Variants in SPIDR observed in about 807,000 individuals in gnomAD.
The protein encoded by SPIDR is scaffold protein involved in DNA repair, also known as DNA repair-scaffolding protein.
Under a neutral mutation model 104.6 loss-of-function variants are expected in SPIDR, and 93 were observed. The observed-to-expected ratio is 0.89, with a 90% CI of 0.75 to 1.06. SPIDR has a LOEUF of 1.06. Ranked by LOEUF, SPIDR falls within the 50% of genes least tolerant of loss-of-function variation. SPIDR has a pLI of 0.00. For missense variants in SPIDR, 1,154 were observed against 1,111.2 expected, an observed-to-expected ratio of 1.04 and a Z score of -0.55; for synonymous variants, 431 against 416.9, an observed-to-expected ratio of 1.03 and a Z score of -0.41.
chr8:47,511,619 A>G, intron 8 of SPIDR: 1 of 790,896 alleles, frequency 1.3e-6, no homozygotes, highest in East Asian at 2.4e-5. Context: ...TCTTGGTTGG[A>G]ATGATGTCTC....
intron 8 of SPIDR, among the ~76,000 whole-genome samples, chr8:47,591,917 G>A (rs1588146687): frequency 6.6e-6 from 1 of 152,150 alleles, no homozygotes; most frequent in South Asian, 2.1e-4. Flanking sequence ...GCTTTTAAAC[G>A]TTTCACAACA....
intron 10 of SPIDR, among the ~76,000 whole-genome samples, chr8:47,663,069 A>G (rs2074369424): frequency 6.6e-6 from 1 of 152,174 alleles, no homozygotes; most frequent in South Asian, 2.1e-4. Context: ...ATTATCTTCT[A>G]GCCTCCTTCC....
At chr8:47,729,699 C>T in intron 19 of SPIDR, 1 of 533,440 alleles carries the variant, frequency 1.9e-6, no homozygotes, top group Non-Finnish European at 3.3e-6. Flanking sequence ...ATGCAGGAAT[C>T]TGTCCCCTGG....
intron 3 of SPIDR, among the ~76,000 whole-genome samples, chr8:47,289,194 A>G (rs2039448737): frequency 6.6e-6 from 1 of 152,046 alleles, no homozygotes; most frequent in Non-Finnish European, 1.5e-5. Flanking sequence ...AACTTTTTGT[A>G]GAGATTGGGT....
intron 8 of SPIDR, among the ~76,000 whole-genome samples, chr8:47,475,707 T>G (rs1300565928): frequency 1.3e-5 from 2 of 152,144 alleles, no homozygotes; most frequent in African/African-American, 4.8e-5. Context: ...GAGGAAATAA[T>G]AAGTGTATTG....
At chr8:47,563,597 A>G (rs1367041957) in intron 8 of SPIDR, among the ~76,000 whole-genome samples, 1 of 152,166 alleles carries the variant, frequency 6.6e-6, no homozygotes, top group Non-Finnish European at 1.5e-5. Context: ...CGACTGTCAC[A>G]TGCGAGGATA....
chr8:47,438,734 A>G (rs2068828086), intron 7 of SPIDR, among the ~76,000 whole-genome samples: 1 of 149,504 alleles, frequency 6.7e-6, no homozygotes, highest in African/African-American at 2.6e-5. Flanking sequence ...AGTGCCCAGA[A>G]ATAGTTGCCT....
intron 5 of SPIDR, among the ~76,000 whole-genome samples, chr8:47,382,823 C>T (rs2059474247): frequency 6.6e-6 from 1 of 152,142 alleles, no homozygotes; most frequent in Non-Finnish European, 1.5e-5. Context: ...TAAGTATATG[C>T]CCGCATTTCT....
intron 11 of SPIDR, among the ~76,000 whole-genome samples, chr8:47,693,578 C>G (rs2078960270): frequency 6.6e-6 from 1 of 152,164 alleles, no homozygotes; most frequent in South Asian, 2.1e-4. Flanking sequence ...CTCCCAGGCA[C>G]CAGTCTGTCA....
At chr8:47,438,589 A>T (rs2068801039) in intron 7 of SPIDR, among the ~76,000 whole-genome samples, 1 of 152,198 alleles carries the variant, frequency 6.6e-6, no homozygotes, top group African/African-American at 2.4e-5. Context: ...GCCTTTCTTT[A>T]CAAGTTGGTT....
chr8:47,419,151 T>G (rs904842700), intron 7 of SPIDR: 5 of 151,976 alleles, frequency 3.3e-5, no homozygotes, highest in African/African-American at 1.2e-4. Flanking sequence ...TGAGGGAGGA[T>G]TCCCTCTTTT....
intron 8 of SPIDR, among the ~76,000 whole-genome samples, chr8:47,453,032 A>G (rs528010630): frequency 3.3e-5 from 5 of 152,300 alleles, no homozygotes; most frequent in East Asian, 1.9e-4. Flanking sequence ...TACAAAATCA[A>G]TGTACAAAAA....
intron 10 of SPIDR, among the ~76,000 whole-genome samples, chr8:47,613,819 A>G (rs1253905932): frequency 1.3e-5 from 2 of 152,036 alleles, no homozygotes; most frequent in African/African-American, 2.4e-5. Flanking sequence ...TTTTAAAATT[A>G]TATTGTATTT....
At chr8:47,537,679 G>A (rs1398528929) in intron 8 of SPIDR, among the ~76,000 whole-genome samples, 1 of 152,122 alleles carries the variant, frequency 6.6e-6, no homozygotes, top group East Asian at 1.9e-4. Flanking sequence ...AACACGAAGA[G>A]TGAACCCAAT....
chr8:47,505,825 A>G (rs2081395468), intron 8 of SPIDR, among the ~76,000 whole-genome samples: 1 of 152,142 alleles, frequency 6.6e-6, no homozygotes, highest in Admixed American at 6.5e-5. Context: ...TACTAAGGAT[A>G]TTAGTGTTCA....
At chr8:47,378,937 C>T (rs1294002345) in intron 5 of SPIDR, among the ~76,000 whole-genome samples, 4 of 152,216 alleles carry the variant, frequency 2.6e-5, no homozygotes, top group African/African-American at 7.2e-5. Flanking sequence ...ATGTAAATCT[C>T]TAAAGAGCAG....
intron 8 of SPIDR, among the ~76,000 whole-genome samples, chr8:47,559,388 T>C (rs2056784589): frequency 6.6e-6 from 1 of 152,218 alleles, no homozygotes; most frequent in Non-Finnish European, 1.5e-5. Flanking sequence ...ATATGTGTGT[T>C]CCATTGGAAA....
chr8:47,359,091 T>C (rs928948409), intron 5 of SPIDR, among the ~76,000 whole-genome samples: 9 of 151,922 alleles, frequency 5.9e-5, no homozygotes, highest in South Asian at 2.1e-4. Flanking sequence ...AAAAAAATTG[T>C]TAAAAAAAAA....
chr8:47,383,891 C>G (rs2059598706), intron 5 of SPIDR, among the ~76,000 whole-genome samples: 1 of 152,140 alleles, frequency 6.6e-6, no homozygotes, highest in African/African-American at 2.4e-5. Context: ...GACTCAAGGA[C>G]AGAAATTCCA....
Sources: allele counts gnomAD v4.1 joint callset (sites outside exome capture counted in the v4.1 genomes callset), GRCh38; gene constraint gnomAD v4.1.1; transcripts MANE v1.5; gene names NCBI Gene and HGNC (gene_info 2026-07-23, HGNC 2026-07-21).